FAM117B: variants seen among roughly 807,000 people sequenced by gnomAD.
FAM117B encodes protein FAM117B.
A neutral mutation model predicts 52.8 loss-of-function variants in FAM117B; 22 were observed. The ratio of observed to expected loss-of-function variants is 0.42; its 90% CI spans 0.30 to 0.59. The LOEUF is 0.59. Ranked by LOEUF, FAM117B falls within the 20% of genes least tolerant of loss-of-function variation. The pLI, the probability that FAM117B is intolerant of heterozygous loss-of-function variation, is 0.22. For missense variants in FAM117B, 678 were observed against 802.6 expected (o/e 0.84, Z 1.88); for synonymous variants, 309 against 324.1 (o/e 0.95, Z 0.50).
chr2:202,677,797 A>C (rs1328095371), intron 1 of FAM117B, among the ~76,000 whole-genome samples: 1 of 152,180 alleles, frequency 6.6e-6, no homozygotes, highest in Non-Finnish European at 1.5e-5. Flanking sequence ...TGCTTAATAA[A>C]TATTTATTGA....
intron 2 of FAM117B, among the ~76,000 whole-genome samples, chr2:202,699,426 C>CAAAAAAAAAA (rs751190825): frequency 3.9e-4 from 7 of 17,890 alleles, no homozygotes; most frequent in African/African-American, 7.2e-4. Context: ...GACCCCATCT[C>CAAAAAAAAAA]AAAAAAAAAA....
chr2:202,639,415 G>A (rs1344809850), intron 1 of FAM117B, among the ~76,000 whole-genome samples: 3 of 152,208 alleles, frequency 2.0e-5, no homozygotes, highest in Non-Finnish European at 4.4e-5. Flanking sequence ...CACCTTCAGT[G>A]ACTGTCATCT....
intron 4 of FAM117B, among the ~76,000 whole-genome samples, chr2:202,743,532 G>A (rs1241117518): frequency 1.3e-5 from 2 of 152,108 alleles, no homozygotes; most frequent in African/African-American, 4.8e-5. Context: ...TAATTCTTCA[G>A]TAACAGATCC....
At chr2:202,679,633 T>A (rs1398387167) in intron 1 of FAM117B, among the ~76,000 whole-genome samples, 1 of 152,186 alleles carries the variant, frequency 6.6e-6, no homozygotes, top group East Asian at 1.9e-4. Context: ...GGCCGTGCCT[T>A]AAAAGTGGGG....
At chr2:202,728,567 A>T (rs1048628295) in intron 4 of FAM117B, among the ~76,000 whole-genome samples, 5 of 152,174 alleles carry the variant, frequency 3.3e-5, no homozygotes, top group African/African-American at 1.2e-4. Context: ...CCTTCCTCTC[A>T]TTCATTCATA....
At chr2:202,699,449 G>GAAAAAAAAAAAAA (rs59522030) in intron 2 of FAM117B, among the ~76,000 whole-genome samples, 2 of 100,030 alleles carry the variant, frequency 2.0e-5, no homozygotes, top group Non-Finnish European at 3.8e-5. Context: ...AAAAAAAAAA[G>GAAAAAAAAAAAAA]AAAAAAAAAA....
chr2:202,699,840 A>G (rs577086208), intron 2 of FAM117B, among the ~76,000 whole-genome samples: 57 of 152,316 alleles, frequency 3.7e-4, no homozygotes, highest in South Asian at 3.3e-3. Flanking sequence ...GCAAGTCTGT[A>G]GGTGCCATTT....
Position 202,755,604 on chromosome 2 carries a change from C to T in FAM117B, c.1027C>T (p.Arg343Trp), listed in dbSNP as rs763647660. Residue 343 changes from arginine to tryptophan, a missense_variant, in exon 5 of 8, where the codon CGG becomes TGG. By Grantham distance (101) the Arg-to-Trp change is moderately radical. This residue lies in a region of FAM117B where 583 missense variants were observed against 644.8 expected (regional missense o/e 0.90). Transcript: ENST00000392238. ...PITKSTGSRF[R>W]NSVEGLNQEI... ...CACCAAATCAACAGGCTCCCGGTTC[C>T]GGAATAGCGTGGAAGGATTGAATCA... 26 of 1,613,830 alleles carry T rather than the reference C, an allele frequency of 1.6e-5. No homozygotes were observed. The highest frequency in any genetic ancestry group is 2.0e-5 in the Non-Finnish European group (24 of 1,179,966).
At chr2:202,641,876 C>G (rs574989787) in intron 1 of FAM117B, among the ~76,000 whole-genome samples, 2 of 151,536 alleles carry the variant, frequency 1.3e-5, no homozygotes, top group Non-Finnish European at 2.9e-5. Context: ...TGACCTCAGG[C>G]GGTCCATCCG....
At chr2:202,706,417 G>T (rs975229653) in intron 2 of FAM117B, among the ~76,000 whole-genome samples, 2 of 152,106 alleles carry the variant, frequency 1.3e-5, no homozygotes, top group Admixed American at 1.3e-4. Flanking sequence ...CAATTTATAG[G>T]TTGGCATTTG....
intron 1 of FAM117B, among the ~76,000 whole-genome samples, chr2:202,666,236 C>T (rs1690203396): frequency 6.6e-6 from 1 of 151,408 alleles, no homozygotes; most frequent in South Asian, 2.1e-4. Context: ...ACATTAAAAA[C>T]AATTGAAACG....
At chr2:202,722,212 A>G (rs1432610722) in intron 2 of FAM117B, among the ~76,000 whole-genome samples, 3 of 151,180 alleles carry the variant, frequency 2.0e-5, no homozygotes, top group African/African-American at 7.3e-5. Flanking sequence ...GGGTTTCACT[A>G]TGTTGGCCAG....
At chr2:202,640,317 T>C (rs1689751211) in intron 1 of FAM117B, among the ~76,000 whole-genome samples, 1 of 111,326 alleles carries the variant, frequency 9.0e-6, no homozygotes, top group African/African-American at 3.8e-5. Flanking sequence ...TATATATATA[T>C]ATATATATAT....
At chr2:202,637,220 C>G (rs1361195272) in intron 1 of FAM117B, among the ~76,000 whole-genome samples, 1 of 151,196 alleles carries the variant, frequency 6.6e-6, no homozygotes, top group Non-Finnish European at 1.5e-5. Flanking sequence ...CTAATTAGAA[C>G]CAGAGCACTG....
rs1310069019 is a variant in FAM117B, at chr2:202,765,628, C to G, written c.1634C>G (p.Thr545Ser). Residue 545 changes from threonine (T) to serine (S), a missense_variant, in exon 8 of 8, where the codon ACT (threonine) becomes AGT (serine). Thr to Ser is a moderately conservative substitution (Grantham distance 58). Transcript: ENST00000392238. ...ACAGTCACCACTGGCATGACAACCA[C>G]TCTGCTGCAGCCTATTGCTGTGGCC... Reference protein sequence around the residue: ...SLTVTTGMTTTLLQPIAVASL... With the variant: ...SLTVTTGMTTSLLQPIAVASL... 21 of 1,614,084 alleles carry G rather than the reference C, an allele frequency of 1.3e-5. No individual in the cohort carries two copies. The highest frequency in any genetic ancestry group is 1.8e-5 in the Non-Finnish European group (21 of 1,180,044).
At position 202,728,120 on chromosome 2, in the gene FAM117B, C is replaced by T. The variant is rs1449306277; in HGVS notation, c.960+1757C>T. Among the ~76,000 whole-genome samples, 3 of 152,148 alleles carry T rather than the reference C, an allele frequency of 2.0e-5. No homozygotes were observed. In the East Asian group the frequency reaches 5.8e-4, roughly 29 times the overall value. ...TCAGCCTGCTGAGTAGATGAGACTA[C>T]ATATGTGCACCACCATGCCTGGCTA... On this transcript the variant is annotated intron_variant, in intron 4 of 7. Transcript: ENST00000392238.
chr2:202,695,079 A>G (rs1410579438), intron 1 of FAM117B, among the ~76,000 whole-genome samples: 1 of 152,196 alleles, frequency 6.6e-6, no homozygotes, highest in Non-Finnish European at 1.5e-5. Context: ...TTTGTTGGAT[A>G]TGAGAGATAC....
intron 1 of FAM117B, among the ~76,000 whole-genome samples, chr2:202,637,180 C>T (rs1414056133): frequency 6.6e-6 from 1 of 151,890 alleles, no homozygotes; most frequent in African/African-American, 2.4e-5. Flanking sequence ...TACAGGCATG[C>T]GCCACTGCGC....
At chr2:202,662,400 A>C (rs941321205) in intron 1 of FAM117B, among the ~76,000 whole-genome samples, 1 of 152,114 alleles carries the variant, frequency 6.6e-6, no homozygotes. Context: ...ATAGAGGAGG[A>C]GGGGACTGGG....
Sources: gnomAD v4.1 joint callset for allele counts (sites outside exome capture counted in the v4.1 genomes callset) on GRCh38, gnomAD v4.1.1 for gene constraint, gnomAD v4.1.1 regional missense constraint, MANE v1.5 for transcripts, NCBI Gene and HGNC (gene_info 2026-07-23, HGNC 2026-07-21) for gene names.